NALCN: variants seen among roughly 807,000 people sequenced by gnomAD.
The protein encoded by NALCN is sodium leak channel NALCN.
NALCN carries 111 observed loss-of-function variants against 225.3 expected under a neutral mutation model. The observed-to-expected ratio is 0.49, with a 90% CI of 0.42 to 0.58. The LOEUF (loss-of-function observed/expected upper bound fraction) is 0.58, where lower values mean the gene tolerates loss of function less well. Ranked by LOEUF, NALCN falls within the 20% of genes least tolerant of loss-of-function variation. The probability of loss-of-function intolerance (pLI) is 0.00; values close to 1 mark genes in which losing one functional copy is unlikely to be tolerated. For synonymous variants in NALCN, 764 were observed against 769.0 expected, an observed-to-expected ratio of 0.99 and a Z score of 0.11; for missense variants, 1,378 against 2,202.4, an observed-to-expected ratio of 0.63 and a Z score of 7.49.
chr13:101,069,694 C>CCCT (rs2032707624), intron 37 of NALCN, among the ~76,000 whole-genome samples: 1 of 152,218 alleles, frequency 6.6e-6, no homozygotes, highest in African/African-American at 2.4e-5. Flanking sequence ...TTGGAGTCAA[C>CCCT]CCTCTCAAAC....
intron 10 of NALCN, among the ~76,000 whole-genome samples, chr13:101,275,888 A>G (rs56274833): frequency 0.076 from 11,482 of 151,596 alleles, 1,338 homozygotes; most frequent in African/African-American, 0.25. Context: ...ACGTGGTGAA[A>G]CCCCGTCTCT....
chr13:101,186,459 A>C (rs1265933853), intron 14 of NALCN, among the ~76,000 whole-genome samples: 1 of 152,230 alleles, frequency 6.6e-6, no homozygotes, highest in South Asian at 2.1e-4. Context: ...AGCCCATTAC[A>C]GTAACTGTTA....
chr13:101,197,260 C>T (rs939437741), intron 13 of NALCN, among the ~76,000 whole-genome samples: 1 of 152,100 alleles, frequency 6.6e-6, no homozygotes, highest in African/African-American at 2.4e-5. Context: ...AGGGATGAGC[C>T]TAGAATATTC....
chr13:101,264,965 G>C (rs1312616053), intron 10 of NALCN, among the ~76,000 whole-genome samples: 1 of 152,162 alleles, frequency 6.6e-6, no homozygotes, highest in Non-Finnish European at 1.5e-5. Context: ...GTGGCCTCCA[G>C]GATGTGAAAA....
intron 33 of NALCN, among the ~76,000 whole-genome samples, chr13:101,082,493 G>A (rs1445754184): frequency 6.6e-6 from 1 of 152,092 alleles, no homozygotes; most frequent in Non-Finnish European, 1.5e-5. Flanking sequence ...CTTGTTTTGC[G>A]TCTCTATTGC....
At chr13:101,360,242 C>A (rs1263574174) in intron 6 of NALCN, among the ~76,000 whole-genome samples, 2 of 135,034 alleles carry the variant, frequency 1.5e-5, no homozygotes, top group Non-Finnish European at 3.1e-5. Flanking sequence ...TTCCTTCCTT[C>A]CTTCCTTCGA....
At chr13:101,199,166 C>A (rs1001700701) in intron 13 of NALCN, among the ~76,000 whole-genome samples, 1 of 151,672 alleles carries the variant, frequency 6.6e-6, no homozygotes, top group Non-Finnish European at 1.5e-5. Flanking sequence ...GGAGGTATAG[C>A]ATTAGGAGAT....
At chr13:101,138,676 C>T (rs906683932) in intron 17 of NALCN, among the ~76,000 whole-genome samples, 4 of 152,204 alleles carry the variant, frequency 2.6e-5, no homozygotes, top group African/African-American at 4.8e-5. Flanking sequence ...GGCAGTGAGA[C>T]GCTGTAGACT....
At chr13:101,127,872 A>AT (rs1045741763) in intron 17 of NALCN, among the ~76,000 whole-genome samples, 3 of 151,996 alleles carry the variant, frequency 2.0e-5, no homozygotes, top group South Asian at 2.1e-4. Context: ...AGCTTTGCGA[A>AT]TTTTTTTTGG....
chr13:101,195,248 GC>G (rs1301122250), intron 13 of NALCN, among the ~76,000 whole-genome samples: 1 of 152,120 alleles, frequency 6.6e-6, no homozygotes, highest in Non-Finnish European at 1.5e-5. Flanking sequence ...CCATTTTTCT[GC>G]CCTGTTGACC....
At chr13:101,170,876 C>G (rs1287988230) in intron 15 of NALCN, among the ~76,000 whole-genome samples, 1 of 152,128 alleles carries the variant, frequency 6.6e-6, no homozygotes, top group Non-Finnish European at 1.5e-5. Flanking sequence ...TCCCTCAAAG[C>G]TTAATGAATT....
At chr13:101,186,115 C>T (rs2039437646) in intron 14 of NALCN, among the ~76,000 whole-genome samples, 1 of 152,224 alleles carries the variant, frequency 6.6e-6, no homozygotes, top group African/African-American at 2.4e-5. Context: ...AGCCCACAGA[C>T]TATCTCCAGC....
intron 10 of NALCN, among the ~76,000 whole-genome samples, chr13:101,264,660 C>T (rs1414054941): frequency 6.6e-6 from 1 of 152,136 alleles, no homozygotes; most frequent in Non-Finnish European, 1.5e-5. Context: ...TCCTTAATAG[C>T]AGGCTGCACT....
chr13:101,201,570 C>A (rs896116910), intron 13 of NALCN, among the ~76,000 whole-genome samples: 8 of 152,054 alleles, frequency 5.3e-5, no homozygotes, highest in Admixed American at 3.9e-4. Context: ...TTGTTTCCAC[C>A]TTTTGGCTAT....
chr13:101,238,904 A>C (rs2041660698), intron 11 of NALCN, among the ~76,000 whole-genome samples: 1 of 151,960 alleles, frequency 6.6e-6, no homozygotes, highest in Admixed American at 6.6e-5. Flanking sequence ...TGAAACATTA[A>C]AGGCACTGCA....
At chr13:101,116,382 C>T (rs953813098) in intron 18 of NALCN, 7 of 305,232 alleles carry the variant, frequency 2.3e-5, no homozygotes, top group Non-Finnish European at 4.5e-5. Flanking sequence ...GAAATTGTCT[C>T]TATTTTTCTT....
chr13:101,122,329 G>C (rs1206637255), intron 18 of NALCN, among the ~76,000 whole-genome samples: 1 of 151,946 alleles, frequency 6.6e-6, no homozygotes, highest in Non-Finnish European at 1.5e-5. Flanking sequence ...TCAAATTATG[G>C]CTTTTTATTT....
intron 17 of NALCN, among the ~76,000 whole-genome samples, chr13:101,126,712 T>G (rs2036252029): frequency 6.6e-6 from 1 of 152,016 alleles, no homozygotes; most frequent in African/African-American, 2.4e-5. Flanking sequence ...AGGCTGGTCT[T>G]GAACTCCTGA....
chr13:101,133,330 T>A (rs1455768256), intron 17 of NALCN, among the ~76,000 whole-genome samples: 1 of 152,182 alleles, frequency 6.6e-6, no homozygotes, highest in African/African-American at 2.4e-5. Flanking sequence ...AAAGTTTGAG[T>A]GGCTCCATTT....
Sources: allele counts gnomAD v4.1 joint callset (sites outside exome capture counted in the v4.1 genomes callset), GRCh38; gene constraint gnomAD v4.1.1; transcripts MANE v1.5; gene names NCBI Gene and HGNC (gene_info 2026-07-23, HGNC 2026-07-21).